Variants in C14orf132 observed in about 807,000 individuals in gnomAD.
C14orf132 encodes uncharacterized protein C14orf132.
C14orf132 carries 6 observed loss-of-function variants against 5.8 expected under a neutral mutation model. The ratio of observed to expected loss-of-function variants is 1.03; its 90% CI spans 0.57 to 2.04. C14orf132 has a LOEUF of 2.04. Ranked by LOEUF, C14orf132 falls within the 30% of genes most tolerant of loss-of-function variation. C14orf132 has a pLI of 0.00. For synonymous variants in C14orf132, 51 were observed against 49.8 expected (o/e 1.02, Z -0.10); for missense variants, 125 against 115.8 (o/e 1.08, Z -0.37).
At chr14:96,041,731 G>C (rs766014936) in intron 1 of C14orf132, among the ~76,000 whole-genome samples, 3 of 152,238 alleles carry the variant, frequency 2.0e-5, no homozygotes, top group Non-Finnish European at 2.9e-5. Context: ...TCAGCAGGGG[G>C]CAGTTTGCAG....
chr14:96,048,765 G>C (rs1169690084), intron 1 of C14orf132, among the ~76,000 whole-genome samples: 1 of 151,966 alleles, frequency 6.6e-6, no homozygotes, highest in African/African-American at 2.4e-5. Context: ...ACCTCAGGTG[G>C]TCTGCCTGCC....
At chr14:96,041,824 A>G (rs1886701435) in intron 1 of C14orf132, among the ~76,000 whole-genome samples, 1 of 152,240 alleles carries the variant, frequency 6.6e-6, no homozygotes, top group Non-Finnish European at 1.5e-5. Context: ...GCACTGGGAC[A>G]GGGATCCTGT....
intron 1 of C14orf132, among the ~76,000 whole-genome samples, chr14:96,054,158 TC>T (rs564517739): frequency 6.6e-6 from 1 of 152,128 alleles, no homozygotes; most frequent in Non-Finnish European, 1.5e-5. Context: ...CCAGAATCCC[TC>T]CCCATCATCC....
chr14:96,055,629 G>A (rs560127508), intron 1 of C14orf132, among the ~76,000 whole-genome samples: 40 of 152,214 alleles, frequency 2.6e-4, no homozygotes, highest in South Asian at 6.2e-4. Flanking sequence ...CTGATCCTCC[G>A]TTTTCCGCAG....
chr14:96,058,956 AGG>A (rs1555384743), intron 1 of C14orf132, among the ~76,000 whole-genome samples: 1 of 152,210 alleles, frequency 6.6e-6, no homozygotes, highest in Non-Finnish European at 1.5e-5. Context: ...ATATTTGAAG[AGG>A]GGCTCAAGAT....
Position 96,040,195 on chromosome 14 carries a change from A to C in C14orf132, c.27+668A>C, listed in dbSNP as rs78170889. 7.6e-3 allele frequency: 2,280 copies of C among 301,858 alleles called. 40 individuals carry two copies. Among genetic ancestry groups the C allele is most frequent in the African/African-American group, 0.048 (2,053 of 43,014 alleles). The allele number at this position is 301,858 out of a possible 1,614,324, so 18.7% of individuals were successfully genotyped here. On this transcript the variant is annotated intron_variant, in intron 1 of 1. Coordinates refer to ENST00000555004, the MANE Select transcript of C14orf132 (RefSeq NM_001252507.3). ...GGAAAAACAAATCTCTCACAGCTTG[A>C]ATTTTCCTCCGGCAGAATGCCCTGG...
rs1014841935 is a variant in C14orf132, at chr14:96,065,489, C to T, written c.28-21022C>T. Among the ~76,000 whole-genome samples, 9 of 152,226 alleles carry T rather than the reference C, an allele frequency of 5.9e-5. No homozygotes were observed. In the East Asian group the frequency reaches 7.7e-4, roughly 13 times the overall value. ...CCGGCCGCCGCTTCACTCCAGTATG[C>T]GTGTGCTCGCTGATGGAGAATGATG... is the stretch of plus-strand genomic sequence containing the variant. On this transcript the variant is annotated intron_variant, in intron 1 of 1. Coordinates refer to ENST00000555004, the MANE Select transcript of C14orf132 (RefSeq NM_001252507.3).
intron 1 of C14orf132, among the ~76,000 whole-genome samples, chr14:96,061,825 G>T (rs2139659387): frequency 6.6e-6 from 1 of 152,186 alleles, no homozygotes; most frequent in East Asian, 1.9e-4. Context: ...CAGGAGGATT[G>T]CTTGAGCCCA....
intron 1 of C14orf132, among the ~76,000 whole-genome samples, chr14:96,077,811 T>C (rs1887919441): frequency 6.6e-6 from 1 of 152,242 alleles, no homozygotes; most frequent in South Asian, 2.1e-4. Flanking sequence ...GGGTGTGTCT[T>C]GCAGGTGCAC....
At chr14:96,080,042 C>T (rs950928180) in intron 1 of C14orf132, among the ~76,000 whole-genome samples, 1 of 152,234 alleles carries the variant, frequency 6.6e-6, no homozygotes, top group Non-Finnish European at 1.5e-5. Context: ...ATTTGAAATT[C>T]GAATTTAAGT....
At chr14:96,041,169 G>A (rs1337755034) in intron 1 of C14orf132, among the ~76,000 whole-genome samples, 1 of 152,174 alleles carries the variant, frequency 6.6e-6, no homozygotes, top group African/African-American at 2.4e-5. Flanking sequence ...GCAGTACTGT[G>A]CTAGCTGCAA....
At chr14:96,080,999 A>G (rs1888017036) in intron 1 of C14orf132, among the ~76,000 whole-genome samples, 1 of 152,236 alleles carries the variant, frequency 6.6e-6, no homozygotes, top group Admixed American at 6.5e-5. Context: ...CCCACTGACC[A>G]GAATAGGCCA....
At chr14:96,065,821 G>A (rs530726828) in intron 1 of C14orf132, among the ~76,000 whole-genome samples, 18 of 152,252 alleles carry the variant, frequency 1.2e-4, no homozygotes, top group African/African-American at 4.1e-4. Flanking sequence ...ACCCACACAG[G>A]GGACGCCCAT....
intron 1 of C14orf132, among the ~76,000 whole-genome samples, chr14:96,079,792 G>A (rs918260987): frequency 6.6e-6 from 1 of 152,136 alleles, no homozygotes; most frequent in African/African-American, 2.4e-5. Context: ...GGCCACAGAT[G>A]GTGTGTTCTG....
intron 1 of C14orf132, among the ~76,000 whole-genome samples, chr14:96,066,042 C>G (rs372097692): frequency 1.8e-4 from 28 of 152,176 alleles, no homozygotes; most frequent in African/African-American, 5.1e-4. Flanking sequence ...CCTCCTCCCC[C>G]TTATCCCCAC....
chr14:96,085,632 C>T (rs558454591), intron 1 of C14orf132, among the ~76,000 whole-genome samples: 4 of 152,300 alleles, frequency 2.6e-5, no homozygotes, highest in African/African-American at 9.6e-5. Flanking sequence ...CCTCTTCTAG[C>T]GTATTTGTTC....
At chr14:96,068,280 C>T (rs929798503) in intron 1 of C14orf132, among the ~76,000 whole-genome samples, 4 of 152,194 alleles carry the variant, frequency 2.6e-5, no homozygotes, top group Non-Finnish European at 2.9e-5. Context: ...CAGTTCTCTG[C>T]AGGATGTCAC....
chr14:96,040,052 A>C (rs1361638956), intron 1 of C14orf132, among the ~76,000 whole-genome samples: 1 of 150,382 alleles, frequency 6.6e-6, no homozygotes, highest in African/African-American at 2.5e-5. Context: ...CCAAGCGTCG[A>C]CGCGCCGCGG....
intron 1 of C14orf132, among the ~76,000 whole-genome samples, chr14:96,081,344 T>C (rs962961040): frequency 7.9e-5 from 12 of 152,222 alleles, no homozygotes; most frequent in Non-Finnish European, 1.8e-4. Flanking sequence ...TGTTTTTAAC[T>C]GAGAAACCTC....
Sources: allele counts gnomAD v4.1 joint callset (sites outside exome capture counted in the v4.1 genomes callset), GRCh38; gene constraint gnomAD v4.1.1; transcripts MANE v1.5; gene names NCBI Gene and HGNC (gene_info 2026-07-23, HGNC 2026-07-21).